Variants in TRIM2 observed in about 807,000 individuals in gnomAD.
TRIM2 encodes tripartite motif containing 2.
Under a neutral mutation model 75.2 loss-of-function variants are expected in TRIM2, and 20 were observed. The observed-to-expected ratio is 0.27, with a 90% CI of 0.19 to 0.39. The LOEUF (loss-of-function observed/expected upper bound fraction) is 0.39, where lower values mean the gene tolerates loss of function less well. Ranked by LOEUF, TRIM2 falls within the 10% of genes least tolerant of loss-of-function variation. The pLI is 1.00. For synonymous variants in TRIM2, 373 were observed against 388.3 expected, an observed-to-expected ratio of 0.96 and a Z score of 0.46; for missense variants, 660 against 990.8, an observed-to-expected ratio of 0.67 and a Z score of 4.48.
At chr4:153,228,139 G>C (rs1437444336) in intron 1 of TRIM2, among the ~76,000 whole-genome samples, 1 of 152,198 alleles carries the variant, frequency 6.6e-6, no homozygotes, top group Non-Finnish European at 1.5e-5. Flanking sequence ...TGGGCTGAAG[G>C]CCACAGGATC....
upstream of TRIM2, among the ~76,000 whole-genome samples, chr4:153,152,922 C>T (rs1224017278): frequency 1.3e-5 from 2 of 152,222 alleles, no homozygotes; most frequent in East Asian, 3.9e-4. Context: ...TAGGTCAAGG[C>T]TGGCATTTGC....
At chr4:153,276,523 C>G (rs1407074442) in intron 3 of TRIM2, among the ~76,000 whole-genome samples, 1 of 152,188 alleles carries the variant, frequency 6.6e-6, no homozygotes, top group Non-Finnish European at 1.5e-5. Context: ...GAAATTTTCT[C>G]ATGCTACATT....
At chr4:153,244,365 T>C (rs1430995013) in intron 1 of TRIM2, among the ~76,000 whole-genome samples, 2 of 42,118 alleles carry the variant, frequency 4.7e-5, no homozygotes, top group African/African-American at 4.2e-4. Context: ...CTCTTCTTCT[T>C]CTTCTTCTTC....
At position 153,204,556 on chromosome 4, in the gene TRIM2, C is replaced by T. The variant is rs988491342; in HGVS notation, c.26C>T (p.Thr9Met). The stretch of plus-strand genomic sequence containing the variant: ...ATGCACAGGAGTGGCCGTTATGGAA[C>T]GCAGGTAAGGACGCTTCTCAATGTG... MHRSGRYG[T>M]QQQRAGSKTA... is the part of the protein sequence containing the mutation. The change falls in exon 1 of 12, where the codon ACG becomes ATG. Residue 9 changes from threonine (T) to methionine (M), a missense_variant. Thr to Met is a moderately conservative substitution (Grantham distance 81). Around this residue, in one of 2 missense-constraint regions of TRIM2, gnomAD observed 620 missense variants for 891.0 expected, o/e 0.70. Coordinates refer to ENST00000338700, the MANE Select transcript of TRIM2 (RefSeq NM_015271.5). 1.3e-6 allele frequency: 2 copies of T among 1,551,562 alleles called. No homozygotes were observed. The highest frequency in any genetic ancestry group is 1.4e-5 in the African/African-American group (1 of 73,020).
chr4:153,272,831 T>A (rs576191522), intron 2 of TRIM2, among the ~76,000 whole-genome samples: 23 of 76,678 alleles, frequency 3.0e-4, no homozygotes, highest in Non-Finnish European at 5.1e-4. Context: ...ATGGGGTTTT[T>A]TGTTTGTTTG....
chr4:153,177,882 A>G (rs548460438), intron 1 of TRIM2, among the ~76,000 whole-genome samples: 2 of 151,562 alleles, frequency 1.3e-5, no homozygotes, highest in South Asian at 2.1e-4. Context: ...GCTCACTGCA[A>G]CCTCCACCTC....
At chr4:153,305,114 T>C (rs924606559) in intron 6 of TRIM2, among the ~76,000 whole-genome samples, 5 of 152,216 alleles carry the variant, frequency 3.3e-5, no homozygotes, top group African/African-American at 9.7e-5. Context: ...AACTCCCAGC[T>C]GTTAGACTTG....
At chr4:153,214,500 A>T (rs573773523) in intron 1 of TRIM2, among the ~76,000 whole-genome samples, 2 of 152,386 alleles carry the variant, frequency 1.3e-5, no homozygotes, top group South Asian at 4.1e-4. Flanking sequence ...GGAACAAAAG[A>T]AACAATAAAG....
At position 153,276,040 on chromosome 4, in the gene TRIM2, A is replaced by G. The variant is rs1344382894; in HGVS notation, c.363A>G (p.Pro121=). 3 of 1,614,240 alleles carry G rather than the reference A, an allele frequency of 1.9e-6. No homozygotes were observed. Among genetic ancestry groups the G allele is most frequent in the Non-Finnish European group, 2.5e-6 (3 of 1,180,048 alleles). ...TNLMDVLQRT[P]GSNAEESSIL... is the part of the protein sequence containing the mutation. ...TGATGGACGTGCTGCAGCGAACTCC[A>G]GGCAGCAACGCTGAGGAGTCTTCCA... Residue 121 remains proline (P), a synonymous_variant, in exon 3 of 12, where the codon CCA becomes CCG. Transcript: ENST00000338700.
rs1326407980 is a variant in TRIM2, at chr4:153,244,380, T to C, written c.31-25955T>C. Among the ~76,000 whole-genome samples the C allele has an allele frequency of 2.2e-4, 15 of 68,362 alleles. 1 individual carries two copies. Among genetic ancestry groups the C allele is most frequent in the African/African-American group, 1.4e-3 (13 of 9,146 alleles). The allele number at this position is 68,362 out of a possible 152,430, so 44.8% of individuals were successfully genotyped here. ...CTCTTCTTCTTCTTCTTCTTCTTCT[T>C]CTTCTTCTTCTTCTTCTTCTTCTTC... On this transcript the variant is annotated intron_variant, in intron 1 of 11. Transcript: ENST00000338700.
rs1017221689 is a variant in TRIM2, at chr4:153,336,308, G to A, written c.*1342G>A. ...ATTTTTGCCATTTTCCAAGAATGAC[G>A]GTGGTGGCTTTTAGTCAGAAAATGG... On this transcript the variant is annotated 3_prime_UTR_variant, in exon 12 of 12. Transcript: ENST00000338700. 10 of 984,138 alleles carry A rather than the reference G, an allele frequency of 1.0e-5. No homozygotes were observed. In the East Asian group the frequency reaches 4.6e-4, roughly 45 times the overall value. The allele number at this position is 984,138 out of a possible 1,614,324, so 61.0% of individuals were successfully genotyped here. A position where few individuals can be genotyped will look rare whatever the true frequency, so the allele number is the denominator to read the frequency against.
Position 153,322,815 on chromosome 4 carries a change from A to G in TRIM2, c.1950A>G (p.Ala650=). The G allele has an allele frequency of 6.2e-7, 1 of 1,614,196 alleles. No homozygotes were observed. Among genetic ancestry groups the G allele is most frequent in the Non-Finnish European group, 8.5e-7 (1 of 1,180,026 alleles). ...GSRGNGDRQF[A]GPHFAAVNSN... is the part of the protein sequence containing the mutation. ...GAGGAAATGGGGACAGGCAGTTTGC[A>G]GGTACACTCGATGGTAATATGTAAA... is the stretch of plus-strand genomic sequence containing the variant. The change falls in exon 9 of 12, where the codon GCA becomes GCG. Residue 650 remains alanine (A), a splice_region_variant and synonymous_variant. Coordinates refer to ENST00000338700, the MANE Select transcript of TRIM2 (RefSeq NM_015271.5).
chr4:153,200,770 A>T (rs1335570353), upstream of TRIM2, among the ~76,000 whole-genome samples: 2 of 145,726 alleles, frequency 1.4e-5, no homozygotes, highest in African/African-American at 5.0e-5. Context: ...AGTAGGTGTA[A>T]AGTGGCACCT....
chr4:153,259,669 G>T (rs960205217), intron 1 of TRIM2, among the ~76,000 whole-genome samples: 3 of 152,040 alleles, frequency 2.0e-5, no homozygotes, highest in African/African-American at 7.3e-5. Context: ...TTAATCTCTG[G>T]TGCCATCTCT....
intron 8 of TRIM2, among the ~76,000 whole-genome samples, chr4:153,317,508 C>G (rs963626670): frequency 3.3e-5 from 5 of 151,608 alleles, no homozygotes; most frequent in Admixed American, 1.3e-4. Context: ...AATTAGCCGG[C>G]CGTGGTGGCG....
At position 153,293,033 on chromosome 4, in the gene TRIM2, A is replaced by G; in HGVS notation, c.505A>G (p.Thr169Ala). ...SCETAMCREC[T>A]EGEHAEHPTV... ...TGAGACTGCCATGTGTCGGGAGTGC[A>G]CGGAGGGGGAGCACGCAGAGCACCC... Residue 169 changes from threonine to alanine, a missense_variant, in exon 4 of 12, where the codon ACG becomes GCG. By Grantham distance (58) the Thr-to-Ala change is moderately conservative. Around this residue, in one of 2 missense-constraint regions of TRIM2, gnomAD observed 620 missense variants for 891.0 expected, o/e 0.70. Transcript: ENST00000338700. 6.2e-7 allele frequency: 1 copy of G among 1,613,742 alleles called. No homozygotes were observed. Among genetic ancestry groups the G allele is most frequent in the Non-Finnish European group, 8.5e-7 (1 of 1,179,746 alleles).
chr4:153,327,400 G>A (rs182660520), intron 10 of TRIM2, among the ~76,000 whole-genome samples: 1 of 152,284 alleles, frequency 6.6e-6, no homozygotes, highest in East Asian at 1.9e-4. Context: ...CTCTCTAAAA[G>A]GTCTTGAGAT....
At chr4:153,322,176 G>A (rs1386312979) in intron 8 of TRIM2, among the ~76,000 whole-genome samples, 3 of 151,910 alleles carry the variant, frequency 2.0e-5, no homozygotes, top group East Asian at 1.9e-4. Flanking sequence ...TTGGGAGGTC[G>A]AGGTGGGTGG....
chr4:153,252,806 C>A (rs1217107448), intron 1 of TRIM2, among the ~76,000 whole-genome samples: 1 of 152,204 alleles, frequency 6.6e-6, no homozygotes, highest in Non-Finnish European at 1.5e-5. Context: ...CCACTCCTGG[C>A]CTATGAAGGT....
Sources: gnomAD v4.1 joint callset for allele counts (sites outside exome capture counted in the v4.1 genomes callset) on GRCh38, gnomAD v4.1.1 for gene constraint, gnomAD v4.1.1 regional missense constraint, MANE v1.5 for transcripts, NCBI Gene and HGNC (gene_info 2026-07-23, HGNC 2026-07-21) for gene names.